The following DPP10 variants were observed in gnomAD, a reference collection of about 807,000 sequenced individuals.
DPP10 encodes inactive dipeptidyl peptidase 10.
DPP10 carries 33 observed loss-of-function variants against 120.9 expected under a neutral mutation model. That is an observed-to-expected ratio of 0.27 (90% CI 0.21 to 0.37). DPP10 has a LOEUF of 0.37. DPP10 is among the 10% of genes least tolerant of loss of function. DPP10 has a pLI of 1.00. For missense variants in DPP10, 816 were observed against 942.8 expected, an observed-to-expected ratio of 0.87 and a Z score of 1.76; for synonymous variants, 337 against 326.1, an observed-to-expected ratio of 1.03 and a Z score of -0.36.
At chr2:115,431,148 G>A (rs1183447257) in intron 3 of DPP10, among the ~76,000 whole-genome samples, 2 of 152,178 alleles carry the variant, frequency 1.3e-5, no homozygotes, top group African/African-American at 4.8e-5. Flanking sequence ...CGAAAGCGAA[G>A]GGATCCAGGA....
At chr2:115,180,724 A>G (rs1490072881) in intron 1 of DPP10, among the ~76,000 whole-genome samples, 2 of 152,208 alleles carry the variant, frequency 1.3e-5, no homozygotes, top group African/African-American at 2.4e-5. Context: ...GTACATATGT[A>G]TGTAGATACC....
chr2:115,159,490 G>T (rs1206528567), intron 1 of DPP10, among the ~76,000 whole-genome samples: 2 of 152,184 alleles, frequency 1.3e-5, no homozygotes, highest in Admixed American at 1.3e-4. Flanking sequence ...TCTTCAGTAA[G>T]AAATTAAGTT....
chr2:114,564,228 T>C (rs1689014773), intron 1 of DPP10, among the ~76,000 whole-genome samples: 1 of 152,182 alleles, frequency 6.6e-6, no homozygotes, highest in Non-Finnish European at 1.5e-5. Context: ...AAAGCATAAA[T>C]TTTTTGGTTT....
chr2:114,737,297 T>C (rs1677535748), intron 1 of DPP10, among the ~76,000 whole-genome samples: 1 of 152,204 alleles, frequency 6.6e-6, no homozygotes, highest in South Asian at 2.1e-4. Flanking sequence ...TCTTGAGCTG[T>C]AGCCTGAACT....
intron 1 of DPP10, among the ~76,000 whole-genome samples, chr2:114,533,525 C>G (rs1449797323): frequency 6.6e-6 from 1 of 151,740 alleles, no homozygotes; most frequent in African/African-American, 2.4e-5. Flanking sequence ...GGCTTAATAC[C>G]TAGGTGATGG....
At chr2:115,155,506 G>A (rs1436522769) in intron 1 of DPP10, among the ~76,000 whole-genome samples, 4 of 152,176 alleles carry the variant, frequency 2.6e-5, no homozygotes, top group Non-Finnish European at 5.9e-5. Flanking sequence ...AGTAAATCAA[G>A]TTGCTAACTG....
intron 5 of DPP10, among the ~76,000 whole-genome samples, chr2:115,611,271 A>G (rs2084080070): frequency 6.6e-6 from 1 of 152,214 alleles, no homozygotes; most frequent in Non-Finnish European, 1.5e-5. Context: ...TCCTGGATAC[A>G]TAATTTGGAA....
intron 5 of DPP10, among the ~76,000 whole-genome samples, chr2:115,688,282 A>G (rs561216392): frequency 2.8e-4 from 43 of 152,318 alleles, no homozygotes; most frequent in African/African-American, 9.6e-4. Context: ...GTAAAACACA[A>G]TACTCTAACA....
intron 1 of DPP10, chr2:114,833,562 A>G (rs1687332767): frequency 6.6e-6 from 1 of 152,152 alleles, no homozygotes; most frequent in African/African-American, 2.4e-5. Flanking sequence ...GCTAACAGGG[A>G]ATATTCTGTG....
chr2:115,547,685 G>C (rs2079598330), intron 5 of DPP10, among the ~76,000 whole-genome samples: 1 of 151,246 alleles, frequency 6.6e-6, no homozygotes, highest in South Asian at 2.1e-4. Context: ...TGGATCACCT[G>C]AGCCTGGAGG....
Position 115,845,225 on chromosome 2 carries a change from T to C in DPP10, c.*2880T>C, listed in dbSNP as rs1198498925. 6.6e-6 allele frequency: 1 copy of C among 152,242 alleles called. No individual in the cohort carries two copies. Among genetic ancestry groups the C allele is most frequent in the Admixed American group, 6.5e-5 (1 of 15,286 alleles). 9.4% of individuals were successfully genotyped at this position (152,242 alleles called of 1,614,324 possible). On this transcript the variant is annotated 3_prime_UTR_variant, in exon 26 of 26. Transcript: ENST00000410059. ...AGCACATAGCTTCTATGAGGAGTTA[T>C]ATATGAAATACCACTTGTGTCCCTC...
intron 3 of DPP10, among the ~76,000 whole-genome samples, chr2:115,419,428 A>G (rs926709724): frequency 6.6e-6 from 1 of 152,106 alleles, no homozygotes; most frequent in Non-Finnish European, 1.5e-5. Flanking sequence ...ACAGCAAGAG[A>G]GAGAGGGGAG....
intron 5 of DPP10, among the ~76,000 whole-genome samples, chr2:115,674,242 G>GTAAA (rs35526958): frequency 0.24 from 36,453 of 148,836 alleles, 4,876 homozygotes; most frequent in Middle Eastern, 0.38. Flanking sequence ...AAATAAATGA[G>GTAAA]TAAATAAATA....
chr2:114,696,079 G>A (rs964942249), intron 1 of DPP10, among the ~76,000 whole-genome samples: 2 of 151,870 alleles, frequency 1.3e-5, no homozygotes, highest in African/African-American at 4.8e-5. Flanking sequence ...CATTTGATAG[G>A]TATTTAAAAT....
chr2:115,318,587 A>G (rs1054173549), intron 2 of DPP10, among the ~76,000 whole-genome samples: 2 of 152,148 alleles, frequency 1.3e-5, no homozygotes, highest in Non-Finnish European at 2.9e-5. Context: ...AATAATTTAA[A>G]TAAAACAAAA....
At chr2:115,379,035 C>T (rs1025001471) in intron 3 of DPP10, among the ~76,000 whole-genome samples, 4 of 152,042 alleles carry the variant, frequency 2.6e-5, no homozygotes, top group Admixed American at 6.5e-5. Context: ...TTTCTCTGCC[C>T]GGCTTTGGTA....
chr2:114,685,778 A>G (rs1305938701), intron 1 of DPP10, among the ~76,000 whole-genome samples: 5 of 151,902 alleles, frequency 3.3e-5, no homozygotes, highest in African/African-American at 1.2e-4. Flanking sequence ...TGTCCTCTCC[A>G]TCACTTGCCA....
chr2:114,906,315 T>C (rs973617508), intron 1 of DPP10, among the ~76,000 whole-genome samples: 7 of 150,126 alleles, frequency 4.7e-5, no homozygotes, highest in Non-Finnish European at 5.9e-5. Context: ...ACCTGGGAGG[T>C]GGAGGTTGCA....
At chr2:115,675,652 A>T (rs890355013) in intron 5 of DPP10, among the ~76,000 whole-genome samples, 1 of 152,194 alleles carries the variant, frequency 6.6e-6, no homozygotes, top group African/African-American at 2.4e-5. Flanking sequence ...GACAACAGAT[A>T]CCTGCAATTC....
Sources: gnomAD v4.1 joint callset for allele counts (sites outside exome capture counted in the v4.1 genomes callset) on GRCh38, gnomAD v4.1.1 for gene constraint, MANE v1.5 for transcripts, NCBI Gene and HGNC (gene_info 2026-07-23, HGNC 2026-07-21) for gene names.